Variants in IL33 observed in about 807,000 individuals in gnomAD.
IL33 encodes the protein interleukin-33.
IL33 carries 37 observed loss-of-function variants against 27.3 expected under a neutral mutation model. The ratio of observed to expected loss-of-function variants is 1.36; its 90% CI spans 1.04 to 1.78. The LOEUF is 1.78. IL33 is among the 40% of genes most tolerant of loss of function. The pLI, the probability that IL33 is intolerant of heterozygous loss-of-function variation, is 0.00. For synonymous variants in IL33, 132 were observed against 102.9 expected, an observed-to-expected ratio of 1.28 and a Z score of -1.71; for missense variants, 406 against 311.4, an observed-to-expected ratio of 1.30 and a Z score of -2.29.
intron 1 of IL33, among the ~76,000 whole-genome samples, chr9:6,233,358 T>C (rs536146717): frequency 6.6e-6 from 1 of 152,290 alleles, no homozygotes; most frequent in Admixed American, 6.5e-5. Flanking sequence ...TCTCTCATTC[T>C]CTCACTAGTT....
intron 1 of IL33, among the ~76,000 whole-genome samples, chr9:6,224,074 A>G (rs1435663463): frequency 6.6e-6 from 1 of 152,164 alleles, no homozygotes; most frequent in Admixed American, 6.6e-5. Flanking sequence ...TCTTGGTCCT[A>G]AATTTTAGAG....
At chr9:6,224,248 G>A (rs1818537136) in intron 1 of IL33, among the ~76,000 whole-genome samples, 1 of 152,058 alleles carries the variant, frequency 6.6e-6, no homozygotes. Flanking sequence ...ATAGAACTTA[G>A]GCACACTTTC....
intron 1 of IL33, among the ~76,000 whole-genome samples, chr9:6,222,233 C>T (rs1460171238): frequency 6.6e-6 from 1 of 152,172 alleles, no homozygotes; most frequent in Non-Finnish European, 1.5e-5. Flanking sequence ...TTTTAAATGG[C>T]TTGTAATAAT....
At chr9:6,246,622 G>A (rs905587936) in intron 2 of IL33, among the ~76,000 whole-genome samples, 17 of 152,082 alleles carry the variant, frequency 1.1e-4, no homozygotes, top group African/African-American at 3.4e-4. Context: ...GGTAATAAAG[G>A]CTCTGCCCTC....
intron 1 of IL33, among the ~76,000 whole-genome samples, chr9:6,234,375 T>C (rs1819076720): frequency 6.6e-6 from 1 of 152,214 alleles, no homozygotes; most frequent in Admixed American, 6.5e-5. Context: ...ACTCCCCACC[T>C]GAGTTTCCTA....
Position 6,252,092 on chromosome 9 carries a change from AAAAC to A in IL33, c.344-773_344-770del, listed in dbSNP as rs145542285. Among the ~76,000 whole-genome samples, 316 of 129,322 alleles carry A rather than the reference AAAAC, an allele frequency of 2.4e-3. 3 individuals are homozygous for A. The highest frequency in any genetic ancestry group is 4.6e-3 in the African/African-American group (135 of 29,172). The allele number at this position is 129,322 out of a possible 152,430, so 84.8% of individuals were successfully genotyped here. ...CCAACAAAAAACAAAACAAAACAAAAAAACCAACTTTACCTGGAAATTGCATTTG... is the reference window on the plus strand; with the variant it reads ...CCAACAAAAAACAAAACAAAACAAAACAACTTTACCTGGAAATTGCATTTG... On this transcript the variant is annotated intron_variant, in intron 4 of 7. Coordinates refer to ENST00000682010, the MANE Select transcript of IL33 (RefSeq NM_033439.4).
intron 1 of IL33, among the ~76,000 whole-genome samples, chr9:6,240,611 T>C (rs1486054510): frequency 6.6e-6 from 1 of 152,158 alleles, no homozygotes; most frequent in Non-Finnish European, 1.5e-5. Flanking sequence ...ATTGGGCAAT[T>C]AACCATGAAT....
chr9:6,218,160 C>T lies in IL33; in HGVS notation c.-12+2308C>T, dbSNP rs202236962. On this transcript the variant is annotated intron_variant, in intron 1 of 7. Coordinates refer to ENST00000682010, the MANE Select transcript of IL33 (RefSeq NM_033439.4). ...CTTCTAGCACAAGCATCGCACTTTC[C>T]TCAGCTCATATTTCACATTTTCTCC... 6.8e-4 allele frequency among the ~76,000 whole-genome samples: 103 copies of T among 152,280 alleles called. 1 individual carries two copies. Among genetic ancestry groups the T allele is most frequent in the Non-Finnish European group, 1.3e-3 (86 of 68,012 alleles).
intron 1 of IL33, among the ~76,000 whole-genome samples, chr9:6,240,909 C>T (rs1189204037): frequency 1.3e-5 from 2 of 151,814 alleles, no homozygotes; most frequent in South Asian, 4.2e-4. Flanking sequence ...TCCTTTATAT[C>T]CTTATTCTAT....
chr9:6,237,868 T>C (rs1197842825), intron 1 of IL33, among the ~76,000 whole-genome samples: 35 of 152,068 alleles, frequency 2.3e-4, no homozygotes, highest in Admixed American at 2.3e-3. Flanking sequence ...GTTTTTATGT[T>C]AGTAAAGTGT....
At position 6,251,204 on chromosome 9, in the gene IL33, T is replaced by G. The variant is rs1169519469; in HGVS notation, c.282T>G (p.Phe94Leu). The G allele has an allele frequency of 6.2e-7, 1 of 1,613,948 alleles. No individual in the cohort carries two copies. The highest frequency in any genetic ancestry group is 8.5e-7 in the Non-Finnish European group (1 of 1,179,936). ...AACAGCAGTCTACTGTGGAGTGCTT[T>G]GCCTTTGGTATATCAGGGGTCCAGA... Reference protein sequence around the residue: ...ACQQQSTVECFAFGISGVQKY... With the variant: ...ACQQQSTVECLAFGISGVQKY... The change falls in exon 4 of 8, where the codon TTT (phenylalanine) becomes TTG (leucine). Residue 94 changes from phenylalanine (F) to leucine (L), a missense_variant. Coordinates refer to ENST00000682010, the MANE Select transcript of IL33 (RefSeq NM_033439.4).
intron 1 of IL33, among the ~76,000 whole-genome samples, chr9:6,238,538 C>T (rs1819357738): frequency 6.6e-6 from 1 of 152,132 alleles, no homozygotes; most frequent in African/African-American, 2.4e-5. Flanking sequence ...GTTTCAGCCT[C>T]CAGAGGTTTG....
At chr9:6,222,749 G>A (rs1265395662) in intron 1 of IL33, among the ~76,000 whole-genome samples, 1 of 151,950 alleles carries the variant, frequency 6.6e-6, no homozygotes, top group African/African-American at 2.4e-5. Context: ...TTTAAATAAT[G>A]CATTCCTGCT....
chr9:6,245,234 T>G (rs889894443), intron 2 of IL33, among the ~76,000 whole-genome samples: 1 of 152,226 alleles, frequency 6.6e-6, no homozygotes, highest in Non-Finnish European at 1.5e-5. Context: ...GTTATTGATA[T>G]TTTCTAATTG....
At chr9:6,233,868 G>C (rs1819048273) in intron 1 of IL33, among the ~76,000 whole-genome samples, 1 of 151,960 alleles carries the variant, frequency 6.6e-6, no homozygotes, top group Non-Finnish European at 1.5e-5. Context: ...TATACTTCTT[G>C]GAAATGTCTT....
intron 2 of IL33, chr9:6,242,356 T>G (rs1454202473): frequency 6.6e-6 from 1 of 152,264 alleles, no homozygotes; most frequent in East Asian, 1.9e-4. Context: ...TGCCAGCGCT[T>G]ATTTAATTTT....
chr9:6,241,793 CTTAAG>C lies in IL33; in HGVS notation c.91+12_91+16del, dbSNP rs1429759358. The C allele has an allele frequency of 6.3e-7, 1 of 1,585,346 alleles. No homozygotes were observed. The highest frequency in any genetic ancestry group is 2.2e-5 in the East Asian group (1 of 44,472). On this transcript the variant is annotated intron_variant, in intron 2 of 7. Coordinates refer to ENST00000682010, the MANE Select transcript of IL33 (RefSeq NM_033439.4). ...TGTGTTTCAAGCTGGGAAGTAAGGA[CTTAAG>C]TTATCTCTGAATGTTTTACGCACTA...
At chr9:6,246,667 T>C (rs1298779075) in intron 2 of IL33, among the ~76,000 whole-genome samples, 2 of 152,120 alleles carry the variant, frequency 1.3e-5, no homozygotes, top group African/African-American at 2.4e-5. Flanking sequence ...TGGGAGTGGG[T>C]TAGTTATTAC....
chr9:6,241,648 A>G, intron 1 of IL33, 36 bp from the exon 2 acceptor site: 1 of 1,315,940 alleles, frequency 7.6e-7, no homozygotes. Flanking sequence ...TTTTAAGTTG[A>G]GACAAATGAA....
Sources: allele counts gnomAD v4.1 joint callset (sites outside exome capture counted in the v4.1 genomes callset), GRCh38; gene constraint gnomAD v4.1.1; transcripts MANE v1.5; gene names NCBI Gene and HGNC (gene_info 2026-07-23, HGNC 2026-07-21).